Variants in SERF2 observed in about 807,000 individuals in gnomAD.
SERF2 encodes small EDRK-rich factor 2.
A neutral mutation model predicts 10.7 loss-of-function variants in SERF2; 4 were observed. The ratio of observed to expected loss-of-function variants is 0.37; its 90% CI spans 0.18 to 0.86. SERF2 has a LOEUF of 0.86. Among genes scored for constraint, SERF2 ranks in the 40% least tolerant of loss-of-function variants. The pLI, the probability that SERF2 is intolerant of heterozygous loss-of-function variation, is 0.43. For missense variants in SERF2, 47 were observed against 79.1 expected, an observed-to-expected ratio of 0.59 and a Z score of 1.54; for synonymous variants, 26 against 26.0, an observed-to-expected ratio of 1.00 and a Z score of 0.01.
Position 43,795,941 on chromosome 15 carries a change from G to T in SERF2, c.*2168G>T. On this transcript the variant is annotated 3_prime_UTR_variant, in exon 3 of 3. Coordinates refer to ENST00000249786, the MANE Select transcript of SERF2 (RefSeq NM_001018108.4). ...GCCTCGATTTCTCCATTTGTAAAAT[G>T]GAGCAAATACCTACCTCACAGGGTT... 1.6e-6 allele frequency: 1 copy of T among 644,346 alleles called. No individual in the cohort carries two copies. Among genetic ancestry groups the T allele is most frequent in the South Asian group, 2.0e-5 (1 of 50,942 alleles). The allele number at this position is 644,346 out of a possible 1,614,324, so 39.9% of individuals were successfully genotyped here. A position where few individuals can be genotyped will look rare whatever the true frequency, so the allele number is the denominator to read the frequency against.
chr15:43,785,712 T>A (rs545091773), intron 2 of SERF2, among the ~76,000 whole-genome samples: 1 of 149,638 alleles, frequency 6.7e-6, no homozygotes, highest in Non-Finnish European at 1.5e-5. Context: ...TTCTTTTTTT[T>A]TTTTTTTTTT....
chr15:43,780,344 AT>A (rs1234599517), intron 1 of SERF2, among the ~76,000 whole-genome samples: 1 of 151,846 alleles, frequency 6.6e-6, no homozygotes, highest in Non-Finnish European at 1.5e-5. Flanking sequence ...GGGTTTCGCC[AT>A]GTTAGCCAGG....
upstream of SERF2, among the ~76,000 whole-genome samples, chr15:43,790,651 C>T (rs944526124): frequency 7.9e-5 from 12 of 152,150 alleles, no homozygotes; most frequent in African/African-American, 2.9e-4. Context: ...TGCCTGTAAT[C>T]GCAGCTACTT....
intron 1 of SERF2, among the ~76,000 whole-genome samples, chr15:43,781,617 G>T (rs1270564604): frequency 1.4e-5 from 2 of 139,688 alleles, no homozygotes; most frequent in Non-Finnish European, 3.0e-5. Flanking sequence ...TTTGAGACAA[G>T]GTCTCACTAT....
exon 1 of SERF2, chr15:43,777,214 T>C: frequency 1.8e-6 from 1 of 555,130 alleles, no homozygotes. Flanking sequence ...GCGTCTGACC[T>C]CTCACTCAGA....
intron 1 of SERF2, 156 bp from the exon 2 acceptor site, chr15:43,792,819 C>T (rs1397098822): frequency 2.9e-6 from 2 of 693,980 alleles, no homozygotes; most frequent in African/African-American, 3.6e-5. Flanking sequence ...TCGCCACTCC[C>T]CCCTACCCCA....
Position 43,795,674 on chromosome 15 carries a change from C to T in SERF2, c.*1901C>T, listed in dbSNP as rs2087197072. On this transcript the variant is annotated 3_prime_UTR_variant, in exon 3 of 3. Coordinates refer to ENST00000249786, the MANE Select transcript of SERF2 (RefSeq NM_001018108.4). Reference sequence around the variant, plus strand: ...AGATCTACCACTTCTTATGGTTCCTCACTTGGCACTCACCTTTGTCTGCCT... The same window carrying T: ...AGATCTACCACTTCTTATGGTTCCTTACTTGGCACTCACCTTTGTCTGCCT... The T allele has an allele frequency of 6.2e-7, 1 of 1,613,788 alleles. No individual in the cohort carries two copies. Among genetic ancestry groups the T allele is most frequent in the Non-Finnish European group, 8.5e-7 (1 of 1,179,722 alleles).
chr15:43,795,690 TTGTC>T lies in SERF2; in HGVS notation c.*1920_*1923del, dbSNP rs754858046. On this transcript the variant is annotated 3_prime_UTR_variant, in exon 3 of 3. Transcript: ENST00000249786. ...ATGGTTCCTCACTTGGCACTCACCT[TTGTC>T]TGCCTCCACTGTTTCAGGGCAGCAG... 2 of 1,614,066 alleles carry T rather than the reference TTGTC, an allele frequency of 1.2e-6. No homozygotes were observed. The highest frequency in any genetic ancestry group is 1.7e-6 in the Non-Finnish European group (2 of 1,179,952).
chr15:43,777,952 A>T (rs979640570), intron 1 of SERF2: 2 of 134,554 alleles, frequency 1.5e-5, no homozygotes, highest in African/African-American at 5.6e-5. Context: ...AAAACTCATA[A>T]AAAAAAAATA....
intron 1 of SERF2, 116 bp from the exon 2 acceptor site, chr15:43,792,859 G>A: frequency 3.8e-6 from 3 of 786,948 alleles, no homozygotes; most frequent in South Asian, 1.7e-5. Context: ...GGCCGTTGTC[G>A]GGGCCCGGAG....
At chr15:43,788,426 T>G (rs945917471), upstream of SERF2, among the ~76,000 whole-genome samples, 1 of 152,218 alleles carries the variant, frequency 6.6e-6, no homozygotes, top group African/African-American at 2.4e-5. Flanking sequence ...GTGCCCAGCC[T>G]TCAACCAGCT....
At position 43,795,504 on chromosome 15, in the gene SERF2, T is replaced by G; in HGVS notation, c.*1731T>G. ...CTTGGACTGGAGGAGCTGGAGGGGT[T>G]TCTTGGTCAGCTGGCCTCGCAGCCC... On this transcript the variant is annotated 3_prime_UTR_variant, in exon 3 of 3. Coordinates refer to ENST00000249786, the MANE Select transcript of SERF2 (RefSeq NM_001018108.4). 6.2e-7 allele frequency: 1 copy of G among 1,614,098 alleles called. No individual in the cohort carries two copies. Among genetic ancestry groups the G allele is most frequent in the Non-Finnish European group, 8.5e-7 (1 of 1,180,010 alleles).
At chr15:43,789,063 G>C (rs548493632), upstream of SERF2, among the ~76,000 whole-genome samples, 21 of 151,842 alleles carry the variant, frequency 1.4e-4, no homozygotes, top group Non-Finnish European at 2.8e-4. Flanking sequence ...CCAGGAGAAT[G>C]GCGTGAACCC....
At chr15:43,790,412 G>A (rs562037198), upstream of SERF2, among the ~76,000 whole-genome samples, 9 of 152,238 alleles carry the variant, frequency 5.9e-5, no homozygotes, top group East Asian at 1.7e-3. Flanking sequence ...GAAAGTGTGA[G>A]AGAGCTTTTT....
intron 1 of SERF2, among the ~76,000 whole-genome samples, chr15:43,784,896 G>C (rs1307555592): frequency 6.6e-6 from 1 of 151,462 alleles, no homozygotes; most frequent in African/African-American, 2.4e-5. Flanking sequence ...GGGACTATAG[G>C]CGCGCACCAT....
rs1279632680 is a variant in SERF2, at chr15:43,795,422, G to A, written c.*1649G>A. ...TTGGTAAGGGTAACCATGACATAGA[G>A]TGAGGCAAGGAAGAAGACGAAGTGG... On this transcript the variant is annotated 3_prime_UTR_variant, in exon 3 of 3. Transcript: ENST00000249786. 1 of 1,614,182 alleles carries A rather than the reference G, an allele frequency of 6.2e-7. No individual in the cohort carries two copies. The highest frequency in any genetic ancestry group is 1.1e-5 in the South Asian group (1 of 91,090).
At chr15:43,785,094 A>T in intron 1 of SERF2, among the ~76,000 whole-genome samples, 1 of 130,792 alleles carries the variant, frequency 7.6e-6, no homozygotes. Flanking sequence ...TTTTAGACAG[A>T]GTCTCACTCT....
At chr15:43,788,377 C>T (rs12899922), upstream of SERF2, among the ~76,000 whole-genome samples, 92,172 of 151,764 alleles carry the variant, frequency 0.61, 31,035 homozygotes, top group Non-Finnish European at 0.73. Context: ...CGGCCCGCCT[C>T]GGTCTCCCAA....
rs1344293635 is a variant in SERF2, at chr15:43,794,032, G to C, written c.*259G>C. ...TGGGGCTCACCCCAAAGTATTAAAA[G>C]TAGCTTTGTAATTCCTTGAGCGCCT... On this transcript the variant is annotated 3_prime_UTR_variant, in exon 3 of 3. Transcript: ENST00000249786. The C allele has an allele frequency of 1.4e-6, 2 of 1,414,096 alleles. No individual in the cohort carries two copies. The highest frequency in any genetic ancestry group is 1.9e-6 in the Non-Finnish European group (2 of 1,076,012). The allele number at this position is 1,414,096 out of a possible 1,614,324, so 87.6% of individuals were successfully genotyped here. A position where few individuals can be genotyped will look rare whatever the true frequency, so the allele number is the denominator to read the frequency against.
Sources: gnomAD v4.1 joint callset for allele counts (sites outside exome capture counted in the v4.1 genomes callset) on GRCh38, gnomAD v4.1.1 for gene constraint, MANE v1.5 for transcripts, NCBI Gene and HGNC (gene_info 2026-07-23, HGNC 2026-07-21) for gene names.